Variants in TRAK2 observed in about 807,000 individuals in gnomAD.
TRAK2 encodes the protein trafficking kinesin-binding protein 2.
Under a neutral mutation model 104.6 loss-of-function variants are expected in TRAK2, and 81 were observed. That is an observed-to-expected ratio of 0.77 (90% CI 0.65 to 0.93). The LOEUF (loss-of-function observed/expected upper bound fraction) is 0.93. TRAK2 is among the 40% of genes least tolerant of loss of function. The probability of loss-of-function intolerance (pLI) is 0.00; values close to 1 mark genes in which losing one functional copy is unlikely to be tolerated. For synonymous variants in TRAK2, 406 were observed against 394.4 expected, an observed-to-expected ratio of 1.03 and a Z score of -0.35; for missense variants, 1,002 against 1,089.0, an observed-to-expected ratio of 0.92 and a Z score of 1.12.
At chr2:201,394,903 C>A in intron 8 of TRAK2, 31 bp from the exon 9 acceptor site, 1 of 1,556,968 alleles carries the variant, frequency 6.4e-7, no homozygotes, top group Non-Finnish European at 8.8e-7. Flanking sequence ...ACATGTGAAG[C>A]CTTTCCAAGT....
intron 1 of TRAK2, among the ~76,000 whole-genome samples, chr2:201,440,119 A>C (rs1951909188): frequency 6.6e-6 from 1 of 152,168 alleles, no homozygotes; most frequent in Admixed American, 6.6e-5. Context: ...GAAAAAAGAA[A>C]AAGAAAATAA....
At chr2:201,413,039 T>C in intron 2 of TRAK2, 1 of 783,742 alleles carries the variant, frequency 1.3e-6, no homozygotes, top group East Asian at 2.4e-5. Flanking sequence ...TCGAGTTAAG[T>C]GTTGGACTCC....
chr2:201,412,464 A>G lies in TRAK2; in HGVS notation c.92-4867T>C, dbSNP rs1951656081. ...AACTAGATCCTAAATAACTCAACTG[A>G]TCCAACTGCCTACTGAAACTCTTAT... On this transcript the variant is annotated intron_variant, in intron 2 of 15. Coordinates refer to ENST00000332624, the MANE Select transcript of TRAK2 (RefSeq NM_015049.3). 3 of 1,169,434 alleles carry G rather than the reference A, an allele frequency of 2.6e-6. No homozygotes were observed. The East Asian group carries it at 7.0e-5, about 27-fold the overall frequency. 72.4% of individuals were successfully genotyped at this position (1,169,434 alleles called of 1,614,324 possible). A position where few individuals can be genotyped will look rare whatever the true frequency, so the allele number is the denominator to read the frequency against.
intron 2 of TRAK2, among the ~76,000 whole-genome samples, chr2:201,417,241 C>CAAAAAAAAAAAAAAAAAAAAAAAA (rs61702415): frequency 2.3e-5 from 2 of 88,432 alleles, no homozygotes; most frequent in African/African-American, 4.7e-5. Context: ...GAAGACATTG[C>CAAAAAAAAAAAAAAAAAAAAAAAA]AAAAAAAAAA....
At chr2:201,432,782 T>C (rs142896511) in intron 1 of TRAK2, among the ~76,000 whole-genome samples, 1 of 152,338 alleles carries the variant, frequency 6.6e-6, no homozygotes, top group Admixed American at 6.5e-5. Context: ...AGTTCACCTC[T>C]GCTGGGCGTA....
intron 1 of TRAK2, among the ~76,000 whole-genome samples, chr2:201,443,593 A>T (rs1292261699): frequency 1.3e-5 from 2 of 152,186 alleles, no homozygotes; most frequent in African/African-American, 4.8e-5. Context: ...CTCTTCAGAC[A>T]GACTTCTTGA....
intron 9 of TRAK2, 128 bp from the exon 10 acceptor site, chr2:201,393,174 C>A: frequency 1.2e-6 from 1 of 852,052 alleles, no homozygotes; most frequent in Non-Finnish European, 1.7e-6. Flanking sequence ...AATATCATTT[C>A]AATACAAAGA....
intron 5 of TRAK2, among the ~76,000 whole-genome samples, chr2:201,398,841 T>C (rs774380886): frequency 2.0e-5 from 3 of 152,114 alleles, no homozygotes; most frequent in Admixed American, 6.6e-5. Context: ...AAGGCTCAAA[T>C]GCTATCATCC....
intron 1 of TRAK2, among the ~76,000 whole-genome samples, chr2:201,430,976 C>T (rs571748790): frequency 6.6e-6 from 1 of 152,260 alleles, no homozygotes; most frequent in East Asian, 1.9e-4. Flanking sequence ...TCTAGTATTT[C>T]TTAAATTTCT....
Position 201,391,503 on chromosome 2 carries a change from G to A in TRAK2, c.1113+1406C>T, listed in dbSNP as rs541122934. The stretch of plus-strand genomic sequence containing the variant: ...TAAAACTAGTGGGTAATAGTTTGAT[G>A]AGGAACAGGATACTTAGTCTCAAAG... On this transcript the variant is annotated intron_variant, in intron 10 of 15. Transcript: ENST00000332624. Among the ~76,000 whole-genome samples the A allele has an allele frequency of 4.6e-5, 7 of 152,312 alleles. No homozygotes were observed. In the South Asian group the frequency reaches 1.2e-3, roughly 27 times the overall value.
rs1282800274 is a variant in TRAK2, at chr2:201,380,137, A to G, written c.*406T>C. On this transcript the variant is annotated 3_prime_UTR_variant, in exon 16 of 16. Transcript: ENST00000332624. ...AGAACGGCTTTCTATAAGCAATAAA[A>G]CTGCTCCTTTTCTCTTCCCATCCTT... The G allele has an allele frequency of 3.7e-5, 8 of 217,246 alleles. No individual in the cohort carries two copies. The highest frequency in any genetic ancestry group is 6.5e-5 in the Non-Finnish European group (7 of 108,410). The allele number at this position is 217,246 out of a possible 1,614,324, so 13.5% of individuals were successfully genotyped here.
intron 3 of TRAK2, among the ~76,000 whole-genome samples, chr2:201,403,451 CT>C (rs1371665243): frequency 6.6e-6 from 1 of 152,146 alleles, no homozygotes; most frequent in Non-Finnish European, 1.5e-5. Context: ...GTAATGAGCT[CT>C]TTCCACTGTG....
At chr2:201,410,060 G>C (rs1254440675) in intron 2 of TRAK2, among the ~76,000 whole-genome samples, 1 of 152,258 alleles carries the variant, frequency 6.6e-6, no homozygotes, top group Non-Finnish European at 1.5e-5. Context: ...CACTCTGGGA[G>C]GCCGAGGCGG....
chr2:201,434,416 T>C (rs762839413), intron 1 of TRAK2, among the ~76,000 whole-genome samples: 8 of 152,120 alleles, frequency 5.3e-5, no homozygotes, highest in Non-Finnish European at 1.2e-4. Context: ...ACTATGCACA[T>C]ATAAAACAAA....
intron 15 of TRAK2, among the ~76,000 whole-genome samples, chr2:201,383,897 C>G (rs1356445443): frequency 6.6e-6 from 1 of 152,146 alleles, no homozygotes; most frequent in Non-Finnish European, 1.5e-5. Context: ...ACCTTCCATG[C>G]CTCAGTTTAC....
At chr2:201,431,599 T>A (rs1951842956) in intron 1 of TRAK2, among the ~76,000 whole-genome samples, 1 of 152,260 alleles carries the variant, frequency 6.6e-6, no homozygotes, top group Non-Finnish European at 1.5e-5. Context: ...ACACCTGTGA[T>A]TACATTTAAG....
At chr2:201,427,682 T>C (rs913145610) in intron 1 of TRAK2, among the ~76,000 whole-genome samples, 1 of 152,204 alleles carries the variant, frequency 6.6e-6, no homozygotes, top group African/African-American at 2.4e-5. Context: ...TTTGGGTATA[T>C]ACCCAGTAAT....
Position 201,380,811 on chromosome 2 carries a change from T to A in TRAK2, c.2477A>T (p.Asp826Val). The change falls in exon 16 of 16, where the codon GAT (aspartate) becomes GTT (valine). Residue 826 changes from aspartate (D) to valine (V), a missense_variant. Coordinates refer to ENST00000332624, the MANE Select transcript of TRAK2 (RefSeq NM_015049.3). The part of the protein sequence containing the change: ...YGLRPSRNPP[D>V]VGQLKMNLVD... ...TAAGTTCATCTTCAACTGGCCAACATCAGGAGGGTTCCGGGAGGGTCTCAA... is the reference window on the plus strand; with the variant it reads ...TAAGTTCATCTTCAACTGGCCAACAACAGGAGGGTTCCGGGAGGGTCTCAA... The A allele has an allele frequency of 6.2e-7, 1 of 1,614,000 alleles. No individual in the cohort carries two copies. The highest frequency in any genetic ancestry group is 8.5e-7 in the Non-Finnish European group (1 of 1,179,972).
In TRAK2 at chr2:201,379,501, G is replaced by A. The variant is rs1951318640; in HGVS notation, c.*1042C>T. 6.6e-6 allele frequency: 1 copy of A among 152,566 alleles called. No homozygotes were observed. The highest frequency in any genetic ancestry group is 2.4e-5 in the African/African-American group (1 of 41,446). The allele number at this position is 152,566 out of a possible 1,614,324, so 9.5% of individuals were successfully genotyped here. A position where few individuals can be genotyped will look rare whatever the true frequency, so the allele number is the denominator to read the frequency against. On this transcript the variant is annotated 3_prime_UTR_variant, in exon 16 of 16. Transcript: ENST00000332624. The stretch of plus-strand genomic sequence containing the variant: ...TAATTTAATGTGCCTGAGAATTTTT[G>A]TGCAAATACATGTCATCTTTCATTA...
Sources: allele counts gnomAD v4.1 joint callset (sites outside exome capture counted in the v4.1 genomes callset), GRCh38; gene constraint gnomAD v4.1.1; transcripts MANE v1.5; gene names NCBI Gene and HGNC (gene_info 2026-07-23, HGNC 2026-07-21).